Variants in FOXN2 observed in about 807,000 individuals in gnomAD.
FOXN2 encodes forkhead box protein N2.
In FOXN2, 19 loss-of-function variants were observed where a neutral mutation model predicts 41.2. That is an observed-to-expected ratio of 0.46 (90% confidence interval 0.32 to 0.68). The LOEUF (loss-of-function observed/expected upper bound fraction) is 0.68. Among genes scored for constraint, FOXN2 ranks in the 30% least tolerant of loss-of-function variants. FOXN2 has a pLI of 0.03. For missense variants in FOXN2, 587 were observed against 509.4 expected (o/e 1.15, Z -1.47); for synonymous variants, 195 against 176.8 (o/e 1.10, Z -0.82).
At chr2:48,347,220 CTTTTTT>C (rs751958598) in intron 3 of FOXN2, among the ~76,000 whole-genome samples, 3 of 75,738 alleles carry the variant, frequency 4.0e-5, no homozygotes, top group Non-Finnish European at 4.8e-5. Flanking sequence ...TGTTTTGGTG[CTTTTTT>C]TTTTTTTTTT....
At chr2:48,372,841 C>T (rs1015499849) in intron 5 of FOXN2, among the ~76,000 whole-genome samples, 8 of 151,246 alleles carry the variant, frequency 5.3e-5, no homozygotes, top group Non-Finnish European at 1.0e-4. Flanking sequence ...ATATTTTTAT[C>T]TCCTGTAACT....
chr2:48,359,147 A>G lies in FOXN2; in HGVS notation c.638A>G (p.Asn213Ser). Residue 213 changes from asparagine to serine, a missense_variant and splice_region_variant, in exon 4 of 7, where the codon AAT becomes AGT. By Grantham distance (46) the Asn-to-Ser change is conservative. Coordinates refer to ENST00000340553, the MANE Select transcript of FOXN2 (RefSeq NM_002158.4). Reference protein sequence around the residue: ...KQPFSSASSQNGSLSPHYLSS... With the variant: ...KQPFSSASSQSGSLSPHYLSS... ...CCTTTTTCTTCAGCATCTTCACAAAAGTAAGGATCTTCCATATAACTGTCA... is the reference window on the plus strand; with the variant it reads ...CCTTTTTCTTCAGCATCTTCACAAAGGTAAGGATCTTCCATATAACTGTCA... The G allele has an allele frequency of 5.0e-6, 8 of 1,609,480 alleles. No homozygotes were observed. The highest frequency in any genetic ancestry group is 1.3e-5 in the African/African-American group (1 of 74,926).
chr2:48,334,559 C>G (rs769141727), intron 2 of FOXN2, among the ~76,000 whole-genome samples: 1 of 152,170 alleles, frequency 6.6e-6, no homozygotes. Flanking sequence ...TGAAAACAAC[C>G]TAAAATGCTG....
chr2:48,315,503 G>A (rs1452931107), intron 1 of FOXN2, among the ~76,000 whole-genome samples: 1 of 152,178 alleles, frequency 6.6e-6, no homozygotes, highest in Non-Finnish European at 1.5e-5. Context: ...GCTGCAATAT[G>A]GACACTTCCT....
intron 3 of FOXN2, among the ~76,000 whole-genome samples, chr2:48,358,197 C>G (rs1385714259): frequency 6.6e-6 from 1 of 151,760 alleles, no homozygotes; most frequent in Non-Finnish European, 1.5e-5. Context: ...TCAAAATTCC[C>G]TCCTCGGTGG....
At chr2:48,341,583 A>C (rs1213895527) in intron 2 of FOXN2, among the ~76,000 whole-genome samples, 1 of 152,230 alleles carries the variant, frequency 6.6e-6, no homozygotes, top group Non-Finnish European at 1.5e-5. Flanking sequence ...TGTGCAAGGA[A>C]GGGTTGAAGC....
intron 5 of FOXN2, among the ~76,000 whole-genome samples, chr2:48,369,886 G>T (rs1672775740): frequency 6.6e-6 from 1 of 152,006 alleles, no homozygotes; most frequent in South Asian, 2.1e-4. Flanking sequence ...TGTGGTCCCA[G>T]CTACTTGGGA....
chr2:48,316,120 A>AT (rs1219214888), intron 1 of FOXN2, among the ~76,000 whole-genome samples: 1 of 151,550 alleles, frequency 6.6e-6, no homozygotes, highest in African/African-American at 2.4e-5. Context: ...GTCGCCTCGC[A>AT]TGTACATTTA....
intron 5 of FOXN2, among the ~76,000 whole-genome samples, chr2:48,371,669 T>G (rs1439728022): frequency 6.6e-6 from 1 of 152,182 alleles, no homozygotes; most frequent in African/African-American, 2.4e-5. Context: ...TTGATAGAAT[T>G]TATAGATTGC....
intron 5 of FOXN2, 142 bp from the exon 6 acceptor site, chr2:48,373,150 T>C (rs1164555814): frequency 1.8e-6 from 1 of 561,774 alleles, no homozygotes; most frequent in South Asian, 2.4e-5. Flanking sequence ...ATATAATATC[T>C]CATTTTTGTT....
chr2:48,367,278 C>G (rs1326003875), intron 5 of FOXN2, among the ~76,000 whole-genome samples: 4 of 151,672 alleles, frequency 2.6e-5, no homozygotes, highest in East Asian at 1.9e-4. Context: ...CTGAGCTGTT[C>G]TAGACACCAA....
At chr2:48,330,635 T>C (rs1423946868) in intron 2 of FOXN2, among the ~76,000 whole-genome samples, 2 of 152,126 alleles carry the variant, frequency 1.3e-5, no homozygotes, top group African/African-American at 4.8e-5. Context: ...TCTTTTGACA[T>C]TTGTGAAATT....
At chr2:48,355,573 T>C (rs1470201405) in intron 3 of FOXN2, among the ~76,000 whole-genome samples, 1 of 152,154 alleles carries the variant, frequency 6.6e-6, no homozygotes, top group Non-Finnish European at 1.5e-5. Context: ...TTTTAATTTA[T>C]GAAATGTTTC....
Position 48,346,714 on chromosome 2 carries a change from A to G in FOXN2, c.500A>G (p.Asn167Ser), listed in dbSNP as rs775690658. 1.9e-6 allele frequency: 3 copies of G among 1,598,696 alleles called. No homozygotes were observed. The highest frequency in any genetic ancestry group is 2.6e-6 in the Non-Finnish European group (3 of 1,175,410). ...TCTGTTCGACATAATCTGTCCCTGA[A>G]TAAATGTTTTCAGAAAGTGGAAAGA... ...KNSVRHNLSL[N>S]KCFQKVERSH... The change falls in exon 3 of 7, where the codon AAT (asparagine) becomes AGT (serine). Residue 167 changes from asparagine to serine, a missense_variant. Coordinates refer to ENST00000340553, the MANE Select transcript of FOXN2 (RefSeq NM_002158.4).
At chr2:48,326,468 G>C (rs1173327152) in intron 1 of FOXN2, among the ~76,000 whole-genome samples, 1 of 151,574 alleles carries the variant, frequency 6.6e-6, no homozygotes, top group Non-Finnish European at 1.5e-5. Flanking sequence ...TATTACATTA[G>C]TGTATTACAG....
intron 2 of FOXN2, among the ~76,000 whole-genome samples, chr2:48,338,398 AT>A (rs199837642): frequency 2.5e-4 from 37 of 148,264 alleles, no homozygotes; most frequent in Middle Eastern, 7.1e-3. Flanking sequence ...GAAGGATGCC[AT>A]TTTTTTTTTT....
intron 4 of FOXN2, among the ~76,000 whole-genome samples, chr2:48,361,676 G>A (rs1455232648): frequency 2.6e-5 from 4 of 151,732 alleles, no homozygotes; most frequent in African/African-American, 4.8e-5. Context: ...ACTATGAATA[G>A]GAAATAAACT....
At chr2:48,320,759 A>T (rs562503536) in intron 1 of FOXN2, among the ~76,000 whole-genome samples, 76 of 152,332 alleles carry the variant, frequency 5.0e-4, no homozygotes, top group African/African-American at 1.6e-3. Flanking sequence ...ATTTGTTAGG[A>T]TGAGATGCTT....
chr2:48,347,674 T>C (rs980187741), intron 3 of FOXN2, among the ~76,000 whole-genome samples: 1 of 152,198 alleles, frequency 6.6e-6, no homozygotes, highest in African/African-American at 2.4e-5. Flanking sequence ...TCAAATAATA[T>C]TATACCATTT....
Sources: allele counts gnomAD v4.1 joint callset (sites outside exome capture counted in the v4.1 genomes callset), GRCh38; gene constraint gnomAD v4.1.1; transcripts MANE v1.5; gene names NCBI Gene and HGNC (gene_info 2026-07-23, HGNC 2026-07-21).